FIG4: variants seen among roughly 807,000 people sequenced by gnomAD.
FIG4 encodes the protein FIG4 phosphoinositide 5-phosphatase.
A neutral mutation model predicts 118.6 loss-of-function variants in FIG4; 112 were observed. The ratio of observed to expected loss-of-function variants is 0.94; its 90% CI spans 0.81 to 1.11. The LOEUF (loss-of-function observed/expected upper bound fraction) is 1.11, where lower values mean the gene tolerates loss of function less well. Among genes scored for constraint, FIG4 ranks in the 50% least tolerant of loss-of-function variants. The pLI, the probability that FIG4 is intolerant of heterozygous loss-of-function variation, is 0.00. For synonymous variants in FIG4, 369 were observed against 381.2 expected (o/e 0.97, Z 0.37); for missense variants, 969 against 1,111.7 (o/e 0.87, Z 1.83).
intron 3 of FIG4, 119 bp from the exon 4 acceptor site, chr6:109,726,990 A>G (rs1775839270): frequency 4.9e-6 from 4 of 816,030 alleles, no homozygotes; most frequent in Admixed American, 4.0e-5. Flanking sequence ...TTGTATGGCT[A>G]TAAATCATAG....
At position 109,727,283 on chromosome 6, in the gene FIG4, T is replaced by C. The variant is rs965616904; in HGVS notation, c.446+18T>C. The C allele has an allele frequency of 1.3e-6, 2 of 1,505,338 alleles. No individual in the cohort carries two copies. 93.2% of individuals were successfully genotyped at this position (1,505,338 alleles called of 1,614,324 possible). A position where few individuals can be genotyped will look rare whatever the true frequency, so the allele number is the denominator to read the frequency against. On this transcript the variant is annotated intron_variant, in intron 4 of 22. Transcript: ENST00000230124. ...GAAGCTAGGTATGTATGGTGGTAAC[T>C]ACCTTTTTTTTTTTGGAGACAAGGT...
chr6:109,737,636 C>G, intron 6 of FIG4, among the ~76,000 whole-genome samples: 1 of 152,216 alleles, frequency 6.6e-6, no homozygotes, highest in East Asian at 1.9e-4. Context: ...TATAAACATA[C>G]TTTTAATTTT....
intron 22 of FIG4, among the ~76,000 whole-genome samples, chr6:109,817,568 TAAA>T (rs5879047): frequency 1.4e-5 from 2 of 139,946 alleles, no homozygotes; most frequent in Non-Finnish European, 1.5e-5. Flanking sequence ...AGAGAGTGTG[TAAA>T]AAAAAAAAAA....
At chr6:109,700,618 C>A (rs1774876904) in intron 1 of FIG4, among the ~76,000 whole-genome samples, 1 of 152,176 alleles carries the variant, frequency 6.6e-6, no homozygotes, top group Non-Finnish European at 1.5e-5. Flanking sequence ...AATATGAAAT[C>A]TGAAATGCTC....
At chr6:109,821,873 T>G (rs1340784484) in intron 22 of FIG4, among the ~76,000 whole-genome samples, 1 of 152,032 alleles carries the variant, frequency 6.6e-6, no homozygotes, top group Non-Finnish European at 1.5e-5. Flanking sequence ...AGATAAATTG[T>G]AAGAAAAAGA....
chr6:109,798,720 G>A (rs1193036704), intron 22 of FIG4, among the ~76,000 whole-genome samples: 6 of 152,184 alleles, frequency 3.9e-5, no homozygotes, highest in African/African-American at 1.4e-4. Context: ...GCTAATCAGA[G>A]AAGTGGAAAG....
intron 6 of FIG4, among the ~76,000 whole-genome samples, chr6:109,735,968 G>A (rs1776147749): frequency 6.6e-6 from 1 of 151,850 alleles, no homozygotes; most frequent in African/African-American, 2.4e-5. Flanking sequence ...CATCTAGGGT[G>A]CCCCTGAAAT....
At chr6:109,822,840 G>A (rs970023616) in intron 22 of FIG4, among the ~76,000 whole-genome samples, 17 of 133,108 alleles carry the variant, frequency 1.3e-4, no homozygotes, top group African/African-American at 4.3e-4. Flanking sequence ...GCTTTCTTCA[G>A]CATTGTTTTT....
intron 10 of FIG4, 58 bp downstream of exon 10, chr6:109,743,830 T>G (rs2128387106): frequency 8.2e-7 from 1 of 1,214,010 alleles, no homozygotes; most frequent in African/African-American, 1.5e-5. Context: ...AGCCTCTTCC[T>G]CAACACAGAG....
At chr6:109,752,291 A>G (rs1273895652) in intron 10 of FIG4, among the ~76,000 whole-genome samples, 4 of 151,350 alleles carry the variant, frequency 2.6e-5, no homozygotes, top group South Asian at 2.1e-4. Context: ...TAGTGCCACA[A>G]TAAACATACG....
At chr6:109,782,445 T>C (rs1377499646) in intron 16 of FIG4, among the ~76,000 whole-genome samples, 6 of 152,196 alleles carry the variant, frequency 3.9e-5, no homozygotes, top group Non-Finnish European at 8.8e-5. Context: ...GGAAATACAA[T>C]TTAGTAATAT....
At chr6:109,698,056 TTTTTTGTA>T (rs1774786054) in intron 1 of FIG4, among the ~76,000 whole-genome samples, 1 of 151,954 alleles carries the variant, frequency 6.6e-6, no homozygotes. Context: ...ATCTGGCTAA[TTTTTTGTA>T]TTTTTAGTAG....
intron 15 of FIG4, among the ~76,000 whole-genome samples, chr6:109,771,475 T>TC: frequency 7.0e-6 from 1 of 141,938 alleles, no homozygotes; most frequent in East Asian, 2.0e-4. Context: ...TTTTTTTTTT[T>TC]TTTTTTTTTT....
intron 22 of FIG4, among the ~76,000 whole-genome samples, chr6:109,817,372 G>T (rs1778889370): frequency 1.3e-5 from 2 of 152,150 alleles, no homozygotes; most frequent in Admixed American, 1.3e-4. Flanking sequence ...GAGAAAAGCT[G>T]CACTTCTTTT....
intron 21 of FIG4, among the ~76,000 whole-genome samples, chr6:109,795,580 C>A (rs1268412191): frequency 1.6e-5 from 1 of 64,212 alleles, no homozygotes. Context: ...GAAATCTGTT[C>A]TTTTGGTTTC....
chr6:109,786,609 A>G (rs1217538140), intron 18 of FIG4, among the ~76,000 whole-genome samples, 160 bp downstream of exon 18: 2 of 152,138 alleles, frequency 1.3e-5, no homozygotes, highest in Non-Finnish European at 2.9e-5. Flanking sequence ...CCACTACTTC[A>G]AGAGGCAGCC....
chr6:109,782,917 A>G (rs1777847443), intron 16 of FIG4, among the ~76,000 whole-genome samples: 1 of 152,172 alleles, frequency 6.6e-6, no homozygotes, highest in African/African-American at 2.4e-5. Context: ...GATCAACATC[A>G]CTTACATCAC....
At chr6:109,767,097 T>A (rs1032500750) in intron 15 of FIG4, among the ~76,000 whole-genome samples, 2 of 152,250 alleles carry the variant, frequency 1.3e-5, no homozygotes, top group African/African-American at 4.8e-5. Flanking sequence ...AGGACACTTT[T>A]GCATTTTGGC....
At chr6:109,701,909 G>A (rs1774920525) in intron 1 of FIG4, among the ~76,000 whole-genome samples, 1 of 152,148 alleles carries the variant, frequency 6.6e-6, no homozygotes, top group Admixed American at 6.6e-5. Flanking sequence ...ATTCACATTT[G>A]TTTCTACAGA....
Sources: gnomAD v4.1 joint callset for allele counts (sites outside exome capture counted in the v4.1 genomes callset) on GRCh38, gnomAD v4.1.1 for gene constraint, MANE v1.5 for transcripts, NCBI Gene and HGNC (gene_info 2026-07-23, HGNC 2026-07-21) for gene names.